Variants in BACH2 observed in about 807,000 individuals in gnomAD.
The protein encoded by BACH2 is transcription regulator protein BACH2.
Under a neutral mutation model 61.8 loss-of-function variants are expected in BACH2, and 5 were observed. That is an observed-to-expected ratio of 0.08 (90% CI 0.04 to 0.17). The LOEUF (loss-of-function observed/expected upper bound fraction) is 0.17, where lower values mean the gene tolerates loss of function less well. Among genes scored for constraint, BACH2 ranks in the 10% least tolerant of loss-of-function variants. The pLI is 1.00. For synonymous variants in BACH2, 446 were observed against 440.1 expected (o/e 1.01, Z -0.17); for missense variants, 824 against 1,091.1 (o/e 0.76, Z 3.45).
chr6:90,077,988 G>T lies in BACH2; in HGVS notation c.-13+10973C>A, dbSNP rs148809053. ...TGCAAAACTTTGGTGGGTGGAAAAGGACTCTAGAAGGACAGGTATACATTG... is the reference window on the plus strand; with the variant it reads ...TGCAAAACTTTGGTGGGTGGAAAAGTACTCTAGAAGGACAGGTATACATTG... On this transcript the variant is annotated intron_variant, in intron 5 of 8. Coordinates refer to ENST00000257749, the MANE Select transcript of BACH2 (RefSeq NM_021813.4). 5.3e-3 allele frequency among the ~76,000 whole-genome samples: 802 copies of T among 152,216 alleles called. 4 individuals carry two copies. Among genetic ancestry groups the T allele is most frequent in the Non-Finnish European group, 8.7e-3 (589 of 67,994 alleles).
intron 3 of BACH2, among the ~76,000 whole-genome samples, chr6:90,218,684 G>A (rs978487832): frequency 5.9e-5 from 9 of 151,890 alleles, no homozygotes; most frequent in African/African-American, 9.7e-5. Context: ...CGAATTACCC[G>A]CCTGTCAGGC....
intron 2 of BACH2, among the ~76,000 whole-genome samples, chr6:90,264,666 C>T (rs952522705): frequency 6.6e-6 from 1 of 152,186 alleles, no homozygotes; most frequent in Admixed American, 6.5e-5. Flanking sequence ...ACTCAATTTG[C>T]ACATCCTGGA....
At chr6:90,078,203 C>G (rs1359627998) in intron 5 of BACH2, among the ~76,000 whole-genome samples, 2 of 152,140 alleles carry the variant, frequency 1.3e-5, no homozygotes, top group African/African-American at 4.8e-5. Context: ...CCCATTTCCA[C>G]CTGAAATATT....
chr6:90,028,907 T>C (rs538632203), intron 5 of BACH2, among the ~76,000 whole-genome samples: 2 of 152,362 alleles, frequency 1.3e-5, no homozygotes, highest in Non-Finnish European at 2.9e-5. Flanking sequence ...ACCTATCTCA[T>C]AGAACTGTGA....
intron 3 of BACH2, among the ~76,000 whole-genome samples, chr6:90,221,501 G>T (rs1189058130): frequency 6.6e-6 from 1 of 152,178 alleles, no homozygotes; most frequent in Non-Finnish European, 1.5e-5. Flanking sequence ...TCCATTAAGT[G>T]CTTACTACAC....
At chr6:90,096,267 C>A (rs983880261) in intron 4 of BACH2, among the ~76,000 whole-genome samples, 2 of 152,164 alleles carry the variant, frequency 1.3e-5, no homozygotes, top group African/African-American at 4.8e-5. Flanking sequence ...CCACCTGCTT[C>A]TCTCTCTGCC....
chr6:90,054,159 AG>A (rs1444396672), intron 5 of BACH2, among the ~76,000 whole-genome samples: 1 of 152,206 alleles, frequency 6.6e-6, no homozygotes, highest in Non-Finnish European at 1.5e-5. Flanking sequence ...GAGCCAAAGC[AG>A]GGGGAGGCAT....
At position 89,929,948 on chromosome 6, in the gene BACH2, G is replaced by GA. The variant is rs1029353648; in HGVS notation, c.*2459dup. The GA allele has an allele frequency of 1.3e-5, 2 of 152,262 alleles. No homozygotes were observed. The highest frequency in any genetic ancestry group is 6.5e-5 in the Admixed American group (1 of 15,274). The allele number at this position is 152,262 out of a possible 1,614,324, so 9.4% of individuals were successfully genotyped here. On this transcript the variant is annotated 3_prime_UTR_variant, in exon 9 of 9. Coordinates refer to ENST00000257749, the MANE Select transcript of BACH2 (RefSeq NM_021813.4). ...TGACTCCACTGTAACACACGCCTGCGAAGTATCACGTGATTCACATTGAGT... is the reference window on the plus strand; with the variant it reads ...TGACTCCACTGTAACACACGCCTGCGAAAGTATCACGTGATTCACATTGAGT...
At chr6:90,232,873 C>A (rs927988680) in intron 3 of BACH2, among the ~76,000 whole-genome samples, 1 of 152,150 alleles carries the variant, frequency 6.6e-6, no homozygotes, top group Non-Finnish European at 1.5e-5. Context: ...TTCCTAGCCT[C>A]ATTTTCTCAC....
intron 4 of BACH2, among the ~76,000 whole-genome samples, chr6:90,204,421 G>C (rs1769069560): frequency 6.6e-6 from 1 of 152,118 alleles, no homozygotes. Flanking sequence ...CTTATGCCAA[G>C]AAAGCCATAA....
intron 2 of BACH2, among the ~76,000 whole-genome samples, chr6:90,257,098 T>C (rs1179612552): frequency 6.6e-6 from 1 of 152,234 alleles, no homozygotes; most frequent in Non-Finnish European, 1.5e-5. Context: ...GTGGTATACT[T>C]ACAGCCACTT....
chr6:90,013,989 G>T (rs1263267197), intron 5 of BACH2, among the ~76,000 whole-genome samples: 1 of 151,726 alleles, frequency 6.6e-6, no homozygotes, highest in African/African-American at 2.4e-5. Flanking sequence ...TTGCTATGTT[G>T]CCCAGGCTGC....
At chr6:90,097,708 G>A (rs1691484657) in intron 4 of BACH2, among the ~76,000 whole-genome samples, 1 of 152,156 alleles carries the variant, frequency 6.6e-6, no homozygotes, top group African/African-American at 2.4e-5. Flanking sequence ...TCATTTTTAA[G>A]TATACGGTTC....
chr6:90,042,481 C>T (rs143724121), intron 5 of BACH2, among the ~76,000 whole-genome samples: 4 of 152,070 alleles, frequency 2.6e-5, no homozygotes, highest in African/African-American at 4.8e-5. Flanking sequence ...ATTACAGGCA[C>T]GACCACTGTG....
chr6:90,199,995 A>T (rs1375843198), intron 4 of BACH2, among the ~76,000 whole-genome samples: 1 of 152,148 alleles, frequency 6.6e-6, no homozygotes, highest in South Asian at 2.1e-4. Flanking sequence ...AAATGATCGC[A>T]GACCCTAAAG....
chr6:90,083,729 C>T (rs1017523646), intron 5 of BACH2, among the ~76,000 whole-genome samples: 11 of 151,924 alleles, frequency 7.2e-5, no homozygotes, highest in East Asian at 1.9e-4. Flanking sequence ...TGCAGTTTCT[C>T]GAGAAGGATA....
intron 4 of BACH2, among the ~76,000 whole-genome samples, chr6:90,127,070 G>A (rs1783880548): frequency 1.3e-5 from 2 of 152,292 alleles, no homozygotes; most frequent in East Asian, 1.9e-4. Context: ...CACAAGTGAC[G>A]CTCAAAATTA....
At chr6:90,001,916 G>T in intron 6 of BACH2, among the ~76,000 whole-genome samples, 1 of 152,166 alleles carries the variant, frequency 6.6e-6, no homozygotes, top group East Asian at 1.9e-4. Flanking sequence ...TTTTGACACC[G>T]TTTCCCTCCA....
intron 6 of BACH2, among the ~76,000 whole-genome samples, chr6:90,005,701 A>C (rs1489772811): frequency 2.0e-5 from 3 of 152,210 alleles, no homozygotes; most frequent in South Asian, 2.1e-4. Context: ...CAGAGCCTCA[A>C]AAGAAAATGC....
Sources: allele counts gnomAD v4.1 joint callset (sites outside exome capture counted in the v4.1 genomes callset), GRCh38; gene constraint gnomAD v4.1.1; transcripts MANE v1.5; gene names NCBI Gene and HGNC (gene_info 2026-07-23, HGNC 2026-07-21).